Variants in FSTL5 observed in about 807,000 individuals in gnomAD.
FSTL5 encodes follistatin-related protein 5.
In FSTL5, 62 loss-of-function variants were observed where a neutral mutation model predicts 89.1. That is an observed-to-expected ratio of 0.70 (90% CI 0.57 to 0.86). The LOEUF is 0.86. FSTL5 is among the 40% of genes least tolerant of loss of function. The pLI is 0.00. For missense variants in FSTL5, 1,057 were observed against 1,001.6 expected (o/e 1.06, Z -0.75); for synonymous variants, 383 against 346.2 (o/e 1.11, Z -1.18).
chr4:161,832,368 T>G (rs547021280), intron 4 of FSTL5, among the ~76,000 whole-genome samples: 1 of 152,252 alleles, frequency 6.6e-6, no homozygotes, highest in South Asian at 2.1e-4. Context: ...CTGCCTGGCT[T>G]TGGTATCAGG....
chr4:161,857,212 G>T (rs954500177), intron 4 of FSTL5, among the ~76,000 whole-genome samples: 25 of 152,090 alleles, frequency 1.6e-4, no homozygotes, highest in African/African-American at 5.6e-4. Context: ...CTTGGACTAG[G>T]TGATCATGGT....
rs115630606 is a variant in FSTL5 at position 161,680,881 on chromosome 4, A to C, written c.728-24387T>G. Among the ~76,000 whole-genome samples the C allele has an allele frequency of 4.7e-3, 714 of 152,164 alleles. 6 individuals carry two copies. Among genetic ancestry groups the C allele is most frequent in the African/African-American group, 0.016 (658 of 41,576 alleles). ...AAAAGACTGAAACTAGCAAGATTCA[A>C]GTGAATTCCATGTTTTCTATTCTTT... On this transcript the variant is annotated intron_variant, in intron 6 of 15. Coordinates refer to ENST00000306100, the MANE Select transcript of FSTL5 (RefSeq NM_020116.5).
At chr4:161,910,023 C>G (rs1175643999) in intron 4 of FSTL5, among the ~76,000 whole-genome samples, 1 of 152,046 alleles carries the variant, frequency 6.6e-6, no homozygotes, top group East Asian at 1.9e-4. Flanking sequence ...TTCCTTAGTT[C>G]TTATTTTCTG....
chr4:162,022,523 GA>G (rs1364679991), intron 3 of FSTL5, among the ~76,000 whole-genome samples: 3 of 151,902 alleles, frequency 2.0e-5, no homozygotes, highest in South Asian at 2.1e-4. Flanking sequence ...GCCATATAAA[GA>G]AAAAAATAAA....
intron 15 of FSTL5, among the ~76,000 whole-genome samples, chr4:161,421,108 G>A (rs569630455): frequency 3.5e-4 from 53 of 152,048 alleles, no homozygotes; most frequent in Non-Finnish European, 6.9e-4. Context: ...TTGGGAGGCC[G>A]AGGCAGGCGG....
chr4:161,438,709 A>T (rs1370247654), intron 15 of FSTL5, among the ~76,000 whole-genome samples: 2 of 152,200 alleles, frequency 1.3e-5, no homozygotes, highest in African/African-American at 4.8e-5. Flanking sequence ...AATTAAAATT[A>T]AATTGATGAA....
intron 12 of FSTL5, among the ~76,000 whole-genome samples, chr4:161,494,345 T>C (rs1729992144): frequency 6.6e-6 from 1 of 152,168 alleles, no homozygotes; most frequent in Non-Finnish European, 1.5e-5. Context: ...GGGAAATGAA[T>C]TGTTTGCATC....
At position 161,529,190 on chromosome 4, in the gene FSTL5, T is replaced by G. The variant is rs969051714; in HGVS notation, c.1312+8976A>C. Among the ~76,000 whole-genome samples the G allele has an allele frequency of 1.4e-5, 2 of 143,414 alleles. 1 individual carries two copies. The highest frequency in any genetic ancestry group is 4.8e-4 in the East Asian group (2 of 4,168). The allele number at this position is 143,414 out of a possible 152,430, so 94.1% of individuals were successfully genotyped here. Reference sequence around the variant, plus strand: ...GACATTCAGATCACATAGTATCTTGTTAGTTAATAAAGCCCTGCTTTTGTG... The same window carrying G: ...GACATTCAGATCACATAGTATCTTGGTAGTTAATAAAGCCCTGCTTTTGTG... On this transcript the variant is annotated intron_variant, in intron 10 of 15. Transcript: ENST00000306100.
intron 7 of FSTL5, among the ~76,000 whole-genome samples, chr4:161,590,390 T>A (rs1578949872): frequency 6.6e-6 from 1 of 152,000 alleles, no homozygotes; most frequent in East Asian, 1.9e-4. Flanking sequence ...AATACAAAAA[T>A]TAGCTGGGCA....
intron 3 of FSTL5, among the ~76,000 whole-genome samples, chr4:161,964,305 T>C (rs983836433): frequency 3.3e-5 from 5 of 152,048 alleles, no homozygotes; most frequent in Non-Finnish European, 7.4e-5. Context: ...TCGATGATAC[T>C]GGTTTTAGAT....
rs530100325 is a variant in FSTL5, at chr4:161,657,782, T to TCCACCACCACC, written c.728-1289_728-1288insGGTGGTGGTGG. Among the ~76,000 whole-genome samples, 915 of 152,340 alleles carry TCCACCACCACC rather than the reference T, an allele frequency of 6.0e-3. 9 individuals are homozygous for TCCACCACCACC. Among genetic ancestry groups the TCCACCACCACC allele is most frequent in the South Asian group, 0.045 (219 of 4,826 alleles). On this transcript the variant is annotated intron_variant, in intron 6 of 15. Transcript: ENST00000306100. ...ATTAAGGCCTGGATTAAACATATAA[T>TCCACCACCACC]TCAACACACACACACGTTAAATGTT... is the stretch of plus-strand genomic sequence containing the variant.
At position 161,537,982 on chromosome 4, in the gene FSTL5, CT is replaced by C. The variant is rs1200656138; in HGVS notation, c.1312+183del. Among the ~76,000 whole-genome samples, 7 of 152,222 alleles carry C rather than the reference CT, an allele frequency of 4.6e-5. No individual in the cohort carries two copies. In the East Asian group the frequency reaches 1.2e-3, roughly 25 times the overall value. On this transcript the variant is annotated intron_variant, in intron 10 of 15. Coordinates refer to ENST00000306100, the MANE Select transcript of FSTL5 (RefSeq NM_020116.5). ...TAGTGTTGTAATGAAAATTTCACAA[CT>C]TTTTTTCATCTTTAAATCTGCTTTT...
At position 161,584,204 on chromosome 4, in the gene FSTL5, T is replaced by C. The variant is rs1733531054; in HGVS notation, c.1015+3251A>G. Among the ~76,000 whole-genome samples, 3 of 152,166 alleles carry C rather than the reference T, an allele frequency of 2.0e-5. 1 individual carries two copies. In the South Asian group the frequency reaches 6.2e-4, roughly 32 times the overall value. ...CTTCCCCTCCTCAAACCACTAAAGC[T>C]ATTACAAACTCTTCACTTTCAACCA... On this transcript the variant is annotated intron_variant, in intron 8 of 15. Coordinates refer to ENST00000306100, the MANE Select transcript of FSTL5 (RefSeq NM_020116.5).
intron 13 of FSTL5, among the ~76,000 whole-genome samples, chr4:161,477,298 T>C (rs919864399): frequency 6.7e-6 from 1 of 149,490 alleles, no homozygotes; most frequent in African/African-American, 2.5e-5. Context: ...AAAAGGAAGA[T>C]CTTAAAAAGG....
intron 4 of FSTL5, among the ~76,000 whole-genome samples, chr4:161,877,079 G>A (rs1732467477): frequency 6.6e-6 from 1 of 151,388 alleles, no homozygotes. Context: ...AGCTACTCGG[G>A]CGGCTGAGGC....
intron 4 of FSTL5, among the ~76,000 whole-genome samples, chr4:161,832,723 G>A (rs188110451): frequency 6.6e-6 from 1 of 151,902 alleles, no homozygotes; most frequent in Non-Finnish European, 1.5e-5. Context: ...GATCGGTGGT[G>A]ATATCCCCTT....
intron 7 of FSTL5, among the ~76,000 whole-genome samples, chr4:161,589,849 C>T (rs575378294): frequency 2.0e-5 from 3 of 151,894 alleles, no homozygotes; most frequent in Non-Finnish European, 4.4e-5. Context: ...ATGTGTGAAT[C>T]CCTATTATCT....
chr4:162,137,384 A>G (rs8180205), intron 1 of FSTL5, among the ~76,000 whole-genome samples: 35,319 of 151,972 alleles, frequency 0.23, 4,297 homozygotes, highest in Non-Finnish European at 0.26. Context: ...AGAGATTATA[A>G]TTAGAAGGTA....
chr4:161,564,860 C>A (rs981903089), intron 8 of FSTL5, among the ~76,000 whole-genome samples: 2 of 151,362 alleles, frequency 1.3e-5, no homozygotes, highest in Admixed American at 1.3e-4. Flanking sequence ...GGTGTTAAAT[C>A]AAAAAATGAG....
Sources: gnomAD v4.1 joint callset for allele counts (sites outside exome capture counted in the v4.1 genomes callset) on GRCh38, gnomAD v4.1.1 for gene constraint, MANE v1.5 for transcripts, NCBI Gene and HGNC (gene_info 2026-07-23, HGNC 2026-07-21) for gene names.